Variants in SMPD3 observed in about 807,000 individuals in gnomAD.
SMPD3 encodes nSMase-2.
Under a neutral mutation model 55.7 loss-of-function variants are expected in SMPD3, and 21 were observed. The ratio of observed to expected loss-of-function variants is 0.38; its 90% confidence interval spans 0.27 to 0.54. SMPD3 has a LOEUF of 0.54. Ranked by LOEUF, SMPD3 falls within the 20% of genes least tolerant of loss-of-function variation. SMPD3 has a pLI of 0.80. For synonymous variants in SMPD3, 457 were observed against 404.3 expected, an observed-to-expected ratio of 1.13 and a Z score of -1.56; for missense variants, 842 against 899.6, an observed-to-expected ratio of 0.94 and a Z score of 0.82.
At position 68,360,996 on chromosome 16, in the gene SMPD3, G is replaced by A; in HGVS notation, c.*210C>T. 1.8e-6 allele frequency: 1 copy of A among 562,308 alleles called. No homozygotes were observed. Among genetic ancestry groups the A allele is most frequent in the Non-Finnish European group, 3.2e-6 (1 of 316,848 alleles). 34.8% of individuals were successfully genotyped at this position (562,308 alleles called of 1,614,324 possible). A position where few individuals can be genotyped will look rare whatever the true frequency, so the allele number is the denominator to read the frequency against. Reference sequence around the variant, plus strand: ...AAAGAATGGCACTGGTTAGGCAGCTGGAGGCTCCTGGGGCGGGCCTGACTC... The same window carrying A: ...AAAGAATGGCACTGGTTAGGCAGCTAGAGGCTCCTGGGGCGGGCCTGACTC... On this transcript the variant is annotated 3_prime_UTR_variant, in exon 9 of 9. Coordinates refer to ENST00000219334, the MANE Select transcript of SMPD3 (RefSeq NM_018667.4).
intron 1 of SMPD3, among the ~76,000 whole-genome samples, chr16:68,443,181 T>C (rs2090581587): frequency 6.6e-6 from 1 of 152,178 alleles, no homozygotes; most frequent in Non-Finnish European, 1.5e-5. Flanking sequence ...GGACAAGACT[T>C]GTGGTCTGAA....
intron 2 of SMPD3, among the ~76,000 whole-genome samples, chr16:68,373,970 C>T (rs924286470): frequency 1.3e-5 from 2 of 152,240 alleles, no homozygotes; most frequent in African/African-American, 4.8e-5. Flanking sequence ...CTTTTGGACC[C>T]CTTGCCCCGG....
Position 68,371,195 on chromosome 16 carries a change from C to CA in SMPD3, c.986dup (p.Val330GlyfsTer19). ...TCCTGCGTGCAGCCGCCTTCTTCAC[C>CA]ACCGAGGCCTTGTACAGGAGCTTGC... On this transcript the variant is annotated frameshift_variant, in exon 3 of 9. Transcript: ENST00000219334. LOFTEE classifies it high-confidence loss of function. 6.2e-7 allele frequency: 1 copy of CA among 1,612,108 alleles called. No individual in the cohort carries two copies. Among genetic ancestry groups the CA allele is most frequent in the Non-Finnish European group, 8.5e-7 (1 of 1,179,554 alleles).
In SMPD3 at chr16:68,359,798, A is replaced by G. The variant is rs1479421852; in HGVS notation, c.*1408T>C. 6.6e-6 allele frequency: 1 copy of G among 152,466 alleles called. No homozygotes were observed. The highest frequency in any genetic ancestry group is 1.5e-5 in the Non-Finnish European group (1 of 68,122). 9.4% of individuals were successfully genotyped at this position (152,466 alleles called of 1,614,324 possible). On this transcript the variant is annotated 3_prime_UTR_variant, in exon 9 of 9. Transcript: ENST00000219334. The stretch of plus-strand genomic sequence containing the variant: ...ACAGACAAAACCTTCGCTGCATGAC[A>G]GGAGCAGCCCTGGAGTCTCTTAAAG...
intron 1 of SMPD3, among the ~76,000 whole-genome samples, chr16:68,435,322 C>T (rs552065268): frequency 6.6e-6 from 1 of 152,302 alleles, no homozygotes; most frequent in East Asian, 1.9e-4. Flanking sequence ...TTAAAAAATC[C>T]TTTTAAAGAC....
At chr16:68,367,164 G>A (rs1295674479) in intron 3 of SMPD3, among the ~76,000 whole-genome samples, 1 of 152,154 alleles carries the variant, frequency 6.6e-6, no homozygotes, top group Admixed American at 6.5e-5. Flanking sequence ...GAATGAGACT[G>A]TCTCAAAATA....
intron 1 of SMPD3, among the ~76,000 whole-genome samples, chr16:68,398,673 G>T (rs1484769794): frequency 6.6e-6 from 1 of 152,164 alleles, no homozygotes; most frequent in Non-Finnish European, 1.5e-5. Context: ...GTTCAAAGTT[G>T]GTTTTTGGTT....
chr16:68,390,480 G>A (rs1018840242), intron 1 of SMPD3, among the ~76,000 whole-genome samples: 8 of 152,160 alleles, frequency 5.3e-5, no homozygotes, highest in Non-Finnish European at 1.0e-4. Flanking sequence ...GGGTAACATG[G>A]TGAAACCCTG....
At chr16:68,379,889 G>A (rs1192653534) in intron 2 of SMPD3, among the ~76,000 whole-genome samples, 7 of 152,252 alleles carry the variant, frequency 4.6e-5, no homozygotes, top group Admixed American at 4.6e-4. Context: ...GGGCGTGACT[G>A]GAAAGCAAAT....
At chr16:68,398,033 C>T (rs1254758127) in intron 1 of SMPD3, among the ~76,000 whole-genome samples, 1 of 129,164 alleles carries the variant, frequency 7.7e-6, no homozygotes, top group Non-Finnish European at 1.6e-5. Flanking sequence ...GATGTTGGGG[C>T]TTCGTCAGGG....
intron 1 of SMPD3, among the ~76,000 whole-genome samples, chr16:68,434,109 T>C (rs1203768642): frequency 6.6e-6 from 1 of 152,212 alleles, no homozygotes. Flanking sequence ...CAGGCATGAA[T>C]TTATGGCTTT....
intron 5 of SMPD3, 182 bp downstream of exon 5, chr16:68,364,569 C>T (rs1356012171): frequency 4.7e-5 from 32 of 686,816 alleles, no homozygotes; most frequent in East Asian, 8.5e-5. Flanking sequence ...CTAGGCAGAG[C>T]GTGGGCTCTT....
intron 1 of SMPD3, among the ~76,000 whole-genome samples, chr16:68,439,540 C>T (rs2090550367): frequency 6.6e-6 from 1 of 152,208 alleles, no homozygotes; most frequent in Non-Finnish European, 1.5e-5. Context: ...AGGTGAGCCT[C>T]CTTCCACCTC....
At chr16:68,418,280 A>G (rs1287805697) in intron 1 of SMPD3, among the ~76,000 whole-genome samples, 2 of 152,126 alleles carry the variant, frequency 1.3e-5, no homozygotes, top group Non-Finnish European at 2.9e-5. Flanking sequence ...AGGTAGATAC[A>G]TGACTCAAAT....
chr16:68,361,134 G>T lies in SMPD3; in HGVS notation c.*72C>A. 2 of 1,414,876 alleles carry T rather than the reference G, an allele frequency of 1.4e-6. No homozygotes were observed. Among genetic ancestry groups the T allele is most frequent in the Non-Finnish European group, 2.0e-6 (2 of 1,018,522 alleles). 87.6% of individuals were successfully genotyped at this position (1,414,876 alleles called of 1,614,324 possible). On this transcript the variant is annotated 3_prime_UTR_variant, in exon 9 of 9. Transcript: ENST00000219334. ...CTCCTCCCCCAAGCACCGGGCACTCGATGGAGGGGACATGGCCCAGGGATG... is the reference window on the plus strand; with the variant it reads ...CTCCTCCCCCAAGCACCGGGCACTCTATGGAGGGGACATGGCCCAGGGATG...
chr16:68,361,168 C>G lies in SMPD3; in HGVS notation c.*38G>C. ...GACATGGCCCAGGGATGGGCTGCAG[C>G]TGCAAGGGCTGGCAGAGGCCCCGCT... On this transcript the variant is annotated 3_prime_UTR_variant, in exon 9 of 9. Transcript: ENST00000219334. 1 of 1,585,304 alleles carries G rather than the reference C, an allele frequency of 6.3e-7. No individual in the cohort carries two copies. The highest frequency in any genetic ancestry group is 1.1e-5 in the South Asian group (1 of 88,940).
chr16:68,411,938 C>A (rs961733333), intron 1 of SMPD3, among the ~76,000 whole-genome samples: 13 of 152,036 alleles, frequency 8.6e-5, no homozygotes, highest in African/African-American at 2.9e-4. Context: ...ACCCTCTGGG[C>A]CAGAGGGGAG....
intron 1 of SMPD3, among the ~76,000 whole-genome samples, chr16:68,441,786 T>G (rs1355415517): frequency 6.6e-6 from 1 of 152,102 alleles, no homozygotes; most frequent in Non-Finnish European, 1.5e-5. Flanking sequence ...TAAAAAAAAT[T>G]TTAGAATCTT....
intron 7 of SMPD3, among the ~76,000 whole-genome samples, chr16:68,363,282 G>A (rs2089369767): frequency 1.3e-5 from 2 of 152,194 alleles, no homozygotes. Context: ...GATTTAGCAA[G>A]GCCAGTACCC....
Sources: allele counts gnomAD v4.1 joint callset (sites outside exome capture counted in the v4.1 genomes callset), GRCh38; gene constraint gnomAD v4.1.1; transcripts MANE v1.5; gene names NCBI Gene and HGNC (gene_info 2026-07-23, HGNC 2026-07-21).